Variants in DAB1 observed in about 807,000 individuals in gnomAD.
DAB1 encodes DAB adaptor protein 1.
Under a neutral mutation model 64.6 loss-of-function variants are expected in DAB1, and 15 were observed. The observed-to-expected ratio is 0.23, with a 90% CI of 0.16 to 0.36. DAB1 has a LOEUF of 0.36. Ranked by LOEUF, DAB1 falls within the 10% of genes least tolerant of loss-of-function variation. The pLI is 1.00. For synonymous variants in DAB1, 235 were observed against 251.9 expected (o/e 0.93, Z 0.64); for missense variants, 596 against 706.7 (o/e 0.84, Z 1.78).
intron 1 of DAB1, among the ~76,000 whole-genome samples, chr1:57,841,360 T>G (rs1333468610): frequency 1.3e-5 from 2 of 152,274 alleles, no homozygotes; most frequent in South Asian, 2.1e-4. Context: ...GATCTACCAG[T>G]CTGGGGTCTG....
chr1:57,513,998 A>C (rs776704013), intron 7 of DAB1, among the ~76,000 whole-genome samples: 6 of 152,202 alleles, frequency 3.9e-5, no homozygotes, highest in Non-Finnish European at 7.3e-5. Flanking sequence ...TCTCAGGTTC[A>C]ACCAAGTTGT....
At chr1:57,630,837 T>A (rs1460151881) in intron 7 of DAB1, among the ~76,000 whole-genome samples, 1 of 152,188 alleles carries the variant, frequency 6.6e-6, no homozygotes, top group Non-Finnish European at 1.5e-5. Context: ...TAGAGAAAGA[T>A]CAACAATTTA....
At chr1:58,164,731 C>G (rs2100755229) in intron 4 of DAB1, among the ~76,000 whole-genome samples, 2 of 152,200 alleles carry the variant, frequency 1.3e-5, no homozygotes, top group Middle Eastern at 6.8e-3. Flanking sequence ...CTCCAGTTCT[C>G]TAACACAATA....
intron 2 of DAB1, among the ~76,000 whole-genome samples, chr1:57,208,047 G>C (rs187814765): frequency 4.6e-5 from 7 of 152,256 alleles, no homozygotes; most frequent in Non-Finnish European, 8.8e-5. Flanking sequence ...TGTAATGCAA[G>C]TAATTTATTT....
chr1:57,101,679 C>T (rs751815285), intron 4 of DAB1, among the ~76,000 whole-genome samples: 2 of 152,210 alleles, frequency 1.3e-5, no homozygotes, highest in African/African-American at 4.8e-5. Context: ...CCACCCCTCA[C>T]ACATTGATTG....
At chr1:57,977,104 T>C (rs892222104) in intron 5 of DAB1, among the ~76,000 whole-genome samples, 1 of 152,132 alleles carries the variant, frequency 6.6e-6, no homozygotes, top group African/African-American at 2.4e-5. Context: ...AGGTCCACAT[T>C]CTTTTGTACA....
chr1:58,202,183 T>C (rs1005233380), intron 4 of DAB1, among the ~76,000 whole-genome samples: 4 of 152,266 alleles, frequency 2.6e-5, no homozygotes, highest in South Asian at 2.1e-4. Flanking sequence ...AATTAGATGA[T>C]AGCATTTAAG....
chr1:57,760,444 G>A (rs140408494), intron 6 of DAB1, among the ~76,000 whole-genome samples: 1 of 152,026 alleles, frequency 6.6e-6, no homozygotes, highest in Non-Finnish European at 1.5e-5. Context: ...GGAAACAGAA[G>A]ATGAATGAGA....
chr1:57,125,608 G>A (rs1657065860), intron 4 of DAB1, among the ~76,000 whole-genome samples: 1 of 152,138 alleles, frequency 6.6e-6, no homozygotes, highest in Non-Finnish European at 1.5e-5. Context: ...TGGGTAAATA[G>A]AAAGAAAAAT....
intron 1 of DAB1, among the ~76,000 whole-genome samples, chr1:57,336,364 A>G (rs1338942294): frequency 6.6e-6 from 1 of 152,244 alleles, no homozygotes; most frequent in Non-Finnish European, 1.5e-5. Flanking sequence ...GGTTTAACTG[A>G]CATTGTTGGG....
intron 4 of DAB1, among the ~76,000 whole-genome samples, chr1:58,318,213 T>C (rs1431233058): frequency 1.3e-5 from 2 of 152,124 alleles, no homozygotes; most frequent in Non-Finnish European, 2.9e-5. Flanking sequence ...TAACCGCACC[T>C]CATTCCTACA....
intron 6 of DAB1, among the ~76,000 whole-genome samples, chr1:57,796,530 A>T (rs1434521869): frequency 6.8e-6 from 1 of 147,842 alleles, no homozygotes; most frequent in Non-Finnish European, 1.5e-5. Flanking sequence ...CCGTCTCAAT[A>T]ATAACAATGA....
At chr1:58,518,953 A>C (rs1380166323) in intron 2 of DAB1, among the ~76,000 whole-genome samples, 1 of 152,220 alleles carries the variant, frequency 6.6e-6, no homozygotes, top group Non-Finnish European at 1.5e-5. Context: ...ACTTGATCAT[A>C]ATCACACAGC....
In DAB1 at chr1:58,370,366, A is replaced by AGT. The variant is rs1370975888; in HGVS notation, n.258-26965_258-26964dup. Among the ~76,000 whole-genome samples, 162 of 124,562 alleles carry AGT rather than the reference A, an allele frequency of 1.3e-3. 3 individuals are homozygous for AGT. Among genetic ancestry groups the AGT allele is most frequent in the African/African-American group, 4.5e-3 (147 of 32,676 alleles). The allele number at this position is 124,562 out of a possible 152,430, so 81.7% of individuals were successfully genotyped here. ...AAAAAGATACTGTATGTTACTTATG[A>AGT]GTGTGTGCGTGTGTGTGTGTGTGTG... On this transcript the variant is annotated intron_variant and non_coding_transcript_variant, in intron 3 of 20. Transcript: ENST00000485760.
chr1:57,766,598 C>T (rs1192863567), intron 6 of DAB1, among the ~76,000 whole-genome samples: 1 of 152,142 alleles, frequency 6.6e-6, no homozygotes, highest in Non-Finnish European at 1.5e-5. Flanking sequence ...GCTGCTTTTA[C>T]TTACAACACT....
intron 1 of DAB1, among the ~76,000 whole-genome samples, chr1:57,334,515 A>G (rs1676928325): frequency 6.6e-6 from 1 of 152,250 alleles, no homozygotes; most frequent in East Asian, 1.9e-4. Context: ...TAATAATCAC[A>G]ATAGCAAATG....
chr1:57,058,101 T>G (rs1284519587), intron 9 of DAB1, among the ~76,000 whole-genome samples: 1 of 152,188 alleles, frequency 6.6e-6, no homozygotes, highest in Admixed American at 6.5e-5. Context: ...GTTTTGGCTT[T>G]GCCTGATGCT....
Position 57,968,763 on chromosome 1 carries a change from G to T in DAB1, n.388-84601C>A, listed in dbSNP as rs562912222. Among the ~76,000 whole-genome samples, 7 of 152,214 alleles carry T rather than the reference G, an allele frequency of 4.6e-5. No homozygotes were observed. In the South Asian group the frequency reaches 1.0e-3, roughly 23 times the overall value. On this transcript the variant is annotated intron_variant and non_coding_transcript_variant, in intron 5 of 20. Transcript: ENST00000485760. ...CAGAGCCTCACAACGATACTGTGAGGTATGTGTTTTATGTCCAAGTTTCAA... is the reference window on the plus strand; with the variant it reads ...CAGAGCCTCACAACGATACTGTGAGTTATGTGTTTTATGTCCAAGTTTCAA...
chr1:57,181,923 T>C (rs1662980659), intron 2 of DAB1, among the ~76,000 whole-genome samples: 2 of 152,246 alleles, frequency 1.3e-5, no homozygotes, highest in Admixed American at 1.3e-4. Flanking sequence ...TCTCGCTCTG[T>C]CACCCAGGCT....
Sources: allele counts gnomAD v4.1 joint callset (sites outside exome capture counted in the v4.1 genomes callset), GRCh38; gene constraint gnomAD v4.1.1; transcripts MANE v1.5; gene names NCBI Gene and HGNC (gene_info 2026-07-23, HGNC 2026-07-21).